CNTLN: variants seen among roughly 807,000 people sequenced by gnomAD.
CNTLN encodes centlein, also known as centlein, centrosomal protein.
Under a neutral mutation model 180.0 loss-of-function variants are expected in CNTLN, and 212 were observed. That is an observed-to-expected ratio of 1.18 (90% CI 1.05 to 1.32). The LOEUF (loss-of-function observed/expected upper bound fraction) is 1.32, where lower values mean the gene tolerates loss of function less well. Ranked by LOEUF, CNTLN falls within the 40% of genes most tolerant of loss-of-function variation. The probability of loss-of-function intolerance (pLI) is 0.00; values close to 1 mark genes in which losing one functional copy is unlikely to be tolerated. For missense variants in CNTLN, 2,095 were observed against 1,610.9 expected (o/e 1.30, Z -5.14); for synonymous variants, 722 against 563.1 (o/e 1.28, Z -3.99).
At chr9:17,436,296 G>A (rs1388712846) in intron 18 of CNTLN, among the ~76,000 whole-genome samples, 1 of 152,122 alleles carries the variant, frequency 6.6e-6, no homozygotes, top group African/African-American at 2.4e-5. Flanking sequence ...GCTAAATTCT[G>A]CAGAAGCACG....
intron 15 of CNTLN, among the ~76,000 whole-genome samples, chr9:17,399,592 C>G (rs1324745827): frequency 6.6e-6 from 1 of 152,182 alleles, no homozygotes; most frequent in Non-Finnish European, 1.5e-5. Flanking sequence ...AAAGCCCTTT[C>G]CATCTTCCTT....
At chr9:17,475,872 CAAAA>C (rs67818691) in intron 23 of CNTLN, among the ~76,000 whole-genome samples, 9 of 117,218 alleles carry the variant, frequency 7.7e-5, no homozygotes, top group Admixed American at 1.7e-4. Context: ...GACTCTCTCT[CAAAA>C]AAAAAAAAAA....
At chr9:17,210,056 ATTAT>A (rs971936338) in intron 2 of CNTLN, among the ~76,000 whole-genome samples, 5 of 152,026 alleles carry the variant, frequency 3.3e-5, no homozygotes, top group Admixed American at 2.0e-4. Context: ...AGTTATTTTT[ATTAT>A]TTATTTATTT....
In CNTLN at chr9:17,491,339, C is replaced by G. The variant is rs545562613; in HGVS notation, c.4119+4273C>G. Among the ~76,000 whole-genome samples, 227 of 152,132 alleles carry G rather than the reference C, an allele frequency of 1.5e-3. 1 individual carries two copies. The highest frequency in any genetic ancestry group is 5.3e-3 in the African/African-American group (221 of 41,502). Reference sequence around the variant, plus strand: ...CACTACTGTAATAGAATTTACACTTCTGGGGACGGAGGACAATAAATAGTT... The same window carrying G: ...CACTACTGTAATAGAATTTACACTTGTGGGGACGGAGGACAATAAATAGTT... On this transcript the variant is annotated intron_variant, in intron 25 of 25. Coordinates refer to ENST00000380647, the MANE Select transcript of CNTLN (RefSeq NM_017738.4).
At chr9:17,474,197 A>G (rs575625651) in intron 23 of CNTLN, among the ~76,000 whole-genome samples, 21 of 152,238 alleles carry the variant, frequency 1.4e-4, no homozygotes, top group South Asian at 6.2e-4. Flanking sequence ...GGATTTTTAA[A>G]TCTTCCTGCC....
rs1344925686 is a variant in CNTLN at position 17,359,725 on chromosome 9, C to CAAAAAAAAAAAAAAAAAACCAAAAA, written c.1887-6874_1887-6873insCCAAAAAAAAAAAAAAAAAAAAAAA. The stretch of plus-strand genomic sequence containing the variant: ...TGAAACTCCGTCTATACTAAAAATA[C>CAAAAAAAAAAAAAAAAAACCAAAAA]AAAAAAAAAAAAAAAAAAAAAAAAA... On this transcript the variant is annotated intron_variant, in intron 12 of 25. Transcript: ENST00000380647. Among the ~76,000 whole-genome samples the CAAAAAAAAAAAAAAAAAACCAAAAA allele has an allele frequency of 2.8e-4, 6 of 21,334 alleles. 1 individual carries two copies. The highest frequency in any genetic ancestry group is 4.0e-4 in the Non-Finnish European group (4 of 10,080). The allele number at this position is 21,334 out of a possible 152,430, so 14.0% of individuals were successfully genotyped here.
chr9:17,252,982 G>A (rs1826245549), intron 5 of CNTLN, among the ~76,000 whole-genome samples: 1 of 151,458 alleles, frequency 6.6e-6, no homozygotes, highest in Admixed American at 6.6e-5. Flanking sequence ...TTTACTCATG[G>A]TTATCTAGTT....
intron 13 of CNTLN, among the ~76,000 whole-genome samples, chr9:17,374,481 G>A (rs1824588978): frequency 6.6e-6 from 1 of 152,206 alleles, no homozygotes; most frequent in Non-Finnish European, 1.5e-5. Context: ...TGGGGAAGAT[G>A]TGGGTAAAAG....
chr9:17,522,347 G>A, the CNTLN span, among the ~76,000 whole-genome samples: 1 of 152,154 alleles, frequency 6.6e-6, no homozygotes, highest in African/African-American at 2.4e-5. Context: ...AGCCCTATAA[G>A]GAAAAGGAGG....
chr9:17,500,377 A>C, intron 25 of CNTLN, among the ~76,000 whole-genome samples: 1 of 152,230 alleles, frequency 6.6e-6, no homozygotes, highest in Admixed American at 6.5e-5. Context: ...ACAAGATAAT[A>C]AGAGTAGATT....
At position 17,340,885 on chromosome 9, in the gene CNTLN, T is replaced by G; in HGVS notation, c.1703T>G (p.Met568Arg). 1.2e-6 allele frequency: 2 copies of G among 1,612,542 alleles called. No homozygotes were observed. The highest frequency in any genetic ancestry group is 1.7e-6 in the Non-Finnish European group (2 of 1,179,114). The change falls in exon 11 of 26, where the codon ATG (methionine) becomes AGG (arginine). Residue 568 changes from methionine to arginine, a missense_variant. By Grantham distance (91) the Met-to-Arg change is moderately conservative (BLOSUM62 -1). Coordinates refer to ENST00000380647, the MANE Select transcript of CNTLN (RefSeq NM_017738.4). Reference sequence around the variant, plus strand: ...GAAAAACGCAAGGAACGGCTACAGATGTTACAGACCAACTACAGAGCAGTA... The same window carrying G: ...GAAAAACGCAAGGAACGGCTACAGAGGTTACAGACCAACTACAGAGCAGTA... The part of the protein sequence containing the change: ...AHEKRKERLQ[M>R]LQTNYRAVKE...
chr9:17,375,922 A>AT (rs1824721968), intron 13 of CNTLN, among the ~76,000 whole-genome samples: 3 of 152,164 alleles, frequency 2.0e-5, no homozygotes, highest in African/African-American at 4.8e-5. Flanking sequence ...ATATGACAGG[A>AT]TTTTTTGTTG....
intron 3 of CNTLN, 75 bp from the exon 4 acceptor site, chr9:17,235,583 T>C: frequency 8.0e-7 from 1 of 1,248,016 alleles, no homozygotes. Context: ...CAAATCAAAA[T>C]GTAAAACCTT....
chr9:17,341,646 A>G (rs960954706), intron 11 of CNTLN, among the ~76,000 whole-genome samples: 1 of 152,226 alleles, frequency 6.6e-6, no homozygotes, highest in Non-Finnish European at 1.5e-5. Flanking sequence ...TCTGTTCTGT[A>G]GAGAAATACT....
chr9:17,318,428 G>A (rs1431129322), intron 8 of CNTLN, among the ~76,000 whole-genome samples: 4 of 152,148 alleles, frequency 2.6e-5, no homozygotes, highest in African/African-American at 9.7e-5. Flanking sequence ...ACAGGCAATT[G>A]TAATAGTGCA....
Position 17,135,374 on chromosome 9 carries a change from G to A in CNTLN, c.309G>A (p.Gln103=). 6.3e-7 allele frequency: 1 copy of A among 1,599,568 alleles called. No homozygotes were observed. Among genetic ancestry groups the A allele is most frequent in the Non-Finnish European group, 8.5e-7 (1 of 1,174,090 alleles). The change falls in exon 1 of 26, where the codon CAG becomes CAA. Residue 103 remains glutamine, a synonymous_variant. Transcript: ENST00000380647. The part of the protein sequence containing the change: ...SVEEAMVTRT[Q]LLEEELSSLK... ...AGGAGGCGATGGTGACCCGGACGCA[G>A]CTGCTGGAGGAAGAGCTGAGCAGCC...
intron 1 of CNTLN, among the ~76,000 whole-genome samples, chr9:17,140,735 G>A (rs1044253423): frequency 6.6e-6 from 1 of 152,006 alleles, no homozygotes; most frequent in Admixed American, 6.6e-5. Flanking sequence ...CACTGTGCTC[G>A]CCCTAATGGT....
At chr9:17,489,218 A>G (rs918572020) in intron 25 of CNTLN, among the ~76,000 whole-genome samples, 8 of 151,950 alleles carry the variant, frequency 5.3e-5, no homozygotes, top group African/African-American at 1.9e-4. Flanking sequence ...TTCTTTGCCC[A>G]CCAGCCTTTT....
intron 2 of CNTLN, among the ~76,000 whole-genome samples, chr9:17,189,440 T>C (rs1360155083): frequency 6.6e-6 from 1 of 151,454 alleles, no homozygotes; most frequent in Non-Finnish European, 1.5e-5. Context: ...GCTTTTTTTC[T>C]AATCTAGGGT....
Sources: allele counts gnomAD v4.1 joint callset (sites outside exome capture counted in the v4.1 genomes callset), GRCh38; gene constraint gnomAD v4.1.1; transcripts MANE v1.5; gene names NCBI Gene and HGNC (gene_info 2026-07-23, HGNC 2026-07-21).